SLC28A1: variants seen among roughly 807,000 people sequenced by gnomAD.
SLC28A1 encodes sodium/nucleoside cotransporter 1.
A neutral mutation model predicts 74.8 loss-of-function variants in SLC28A1; 64 were observed. That is an observed-to-expected ratio of 0.86 (90% CI 0.70 to 1.05). SLC28A1 has a LOEUF of 1.05. Ranked by LOEUF, SLC28A1 falls within the 50% of genes least tolerant of loss-of-function variation. The probability of loss-of-function intolerance (pLI) is 0.00; values close to 1 mark genes in which losing one functional copy is unlikely to be tolerated. For missense variants in SLC28A1, 828 were observed against 822.8 expected (o/e 1.01, Z -0.08); for synonymous variants, 359 against 335.0 (o/e 1.07, Z -0.78).
chr15:84,971,042 G>A, the SLC28A1 span, among the ~76,000 whole-genome samples: 1 of 152,166 alleles, frequency 6.6e-6, no homozygotes, highest in Admixed American at 6.6e-5. Context: ...TGCCATCACT[G>A]CCTTATCTGC....
At position 84,935,452 on chromosome 15, in the gene SLC28A1, C is replaced by T. The variant is rs1314837343; in HGVS notation, c.1515C>T (p.Ser505=). 2 of 1,614,114 alleles carry T rather than the reference C, an allele frequency of 1.2e-6. No homozygotes were observed. Among genetic ancestry groups the T allele is most frequent in the Non-Finnish European group, 8.5e-7 (1 of 1,180,044 alleles). ...LNEFVAYQDL[S]KYKQRRLAGA... is the part of the protein sequence containing the mutation. The stretch of plus-strand genomic sequence containing the variant: ...AGTTTGTGGCCTATCAAGACCTCTC[C>T]AAGTACAAGCAACGCCGCCTGGCAG... Residue 505 remains serine (S), a synonymous_variant, in exon 15 of 19, where the codon TCC becomes TCT. Coordinates refer to ENST00000394573, the MANE Select transcript of SLC28A1 (RefSeq NM_004213.5).
At chr15:84,915,913 C>T (rs1163798526) in intron 9 of SLC28A1, among the ~76,000 whole-genome samples, 3 of 151,568 alleles carry the variant, frequency 2.0e-5, no homozygotes, top group Non-Finnish European at 4.4e-5. Flanking sequence ...GAATTGCATC[C>T]ACCAGCCACC....
chr15:84,942,045 A>G, intron 15 of SLC28A1, among the ~76,000 whole-genome samples: 1 of 152,232 alleles, frequency 6.6e-6, no homozygotes, highest in East Asian at 1.9e-4. Flanking sequence ...TTATTATCCT[A>G]TATTTTCTAT....
intron 12 of SLC28A1, among the ~76,000 whole-genome samples, chr15:84,928,293 C>T (rs1970733464): frequency 6.6e-6 from 1 of 152,052 alleles, no homozygotes; most frequent in African/African-American, 2.4e-5. Context: ...AGAGGAAAAG[C>T]ACCTAACAAA....
intron 12 of SLC28A1, among the ~76,000 whole-genome samples, chr15:84,924,834 A>G (rs1970287491): frequency 6.6e-6 from 1 of 152,146 alleles, no homozygotes; most frequent in Non-Finnish European, 1.5e-5. Flanking sequence ...GCAGAAACAA[A>G]TAAGTTTTTA....
chr15:84,935,739 T>C (rs569605159), intron 15 of SLC28A1, among the ~76,000 whole-genome samples: 13 of 152,180 alleles, frequency 8.5e-5, no homozygotes, highest in Non-Finnish European at 1.5e-4. Flanking sequence ...GGAGAGAGCA[T>C]TGTTTGGGAT....
intron 9 of SLC28A1, among the ~76,000 whole-genome samples, chr15:84,917,410 C>T (rs1257313759): frequency 1.3e-5 from 2 of 152,140 alleles, no homozygotes; most frequent in Non-Finnish European, 2.9e-5. Flanking sequence ...GATTCCTGTG[C>T]CTATACAAGA....
the SLC28A1 span, among the ~76,000 whole-genome samples, chr15:84,955,294 G>T: frequency 6.6e-6 from 1 of 152,186 alleles, no homozygotes; most frequent in Non-Finnish European, 1.5e-5. Context: ...GAGCATAATG[G>T]ATGGTAGTGG....
the SLC28A1 span, among the ~76,000 whole-genome samples, chr15:84,960,185 T>G: frequency 6.7e-6 from 1 of 150,286 alleles, no homozygotes. Context: ...CCGTAATCTT[T>G]CTTTAAAATA....
intron 4 of SLC28A1, among the ~76,000 whole-genome samples, chr15:84,889,906 G>C (rs1211734297): frequency 6.7e-6 from 1 of 148,354 alleles, no homozygotes; most frequent in Non-Finnish European, 1.5e-5. Flanking sequence ...CTGGGCTGGA[G>C]TGCAGTGGCA....
chr15:84,945,764 A>C lies in SLC28A1; in HGVS notation c.*564A>C. The stretch of plus-strand genomic sequence containing the variant: ...TCCATGATGGACTAGGTTTGGAACC[A>C]CTGGGTTAAATAAACTTAGAGAGGG... On this transcript the variant is annotated 3_prime_UTR_variant, in exon 19 of 19. Transcript: ENST00000394573. 1 of 156,612 alleles carries C rather than the reference A, an allele frequency of 6.4e-6. No individual in the cohort carries two copies. Among genetic ancestry groups the C allele is most frequent in the Non-Finnish European group, 1.4e-5 (1 of 70,716 alleles). 9.7% of individuals were successfully genotyped at this position (156,612 alleles called of 1,614,324 possible).
intron 4 of SLC28A1, 92 bp from the exon 5 acceptor site, chr15:84,890,351 T>A: frequency 3.2e-6 from 3 of 949,216 alleles, no homozygotes; most frequent in Non-Finnish European, 4.9e-6. Context: ...TGTTGCCACT[T>A]TACTGGGGAC....
At chr15:84,948,079 CA>C (rs1342491565), downstream of SLC28A1, among the ~76,000 whole-genome samples, 1 of 152,076 alleles carries the variant, frequency 6.6e-6, no homozygotes, top group Non-Finnish European at 1.5e-5. Context: ...ATGCATGTCC[CA>C]ATAGGCAACA....
chr15:84,903,955 C>T, intron 6 of SLC28A1, 142 bp from the exon 7 acceptor site: 2 of 1,082,884 alleles, frequency 1.8e-6, no homozygotes, highest in Non-Finnish European at 2.8e-6. Flanking sequence ...GGTTCCAGAG[C>T]TGGTGCTCTT....
At chr15:84,974,538 C>T in the SLC28A1 span, among the ~76,000 whole-genome samples, 1 of 152,016 alleles carries the variant, frequency 6.6e-6, no homozygotes, top group Non-Finnish European at 1.5e-5. Context: ...TGATTCTGTG[C>T]AACCTCCAGC....
chr15:84,933,390 T>G, intron 13 of SLC28A1, 115 bp downstream of exon 13: 3 of 1,285,904 alleles, frequency 2.3e-6, no homozygotes, highest in Non-Finnish European at 3.3e-6. Context: ...GGCCCATCTC[T>G]CCACTTTTCC....
intron 15 of SLC28A1, among the ~76,000 whole-genome samples, chr15:84,939,267 C>T (rs1972357188): frequency 6.6e-6 from 1 of 152,004 alleles, no homozygotes; most frequent in Admixed American, 6.6e-5. Context: ...CTGCAGTGAG[C>T]TATGATTTTG....
intron 15 of SLC28A1, among the ~76,000 whole-genome samples, chr15:84,936,244 T>TTTTGGTTTGGTTTGG (rs139607863): frequency 6.8e-6 from 1 of 147,080 alleles, no homozygotes. Flanking sequence ...CGCCCGGCTG[T>TTTTGGTTTGGTTTGG]TTTGGTTTGG....
chr15:84,890,641 T>C, intron 5 of SLC28A1, 107 bp downstream of exon 5: 2 of 943,002 alleles, frequency 2.1e-6, no homozygotes, highest in Non-Finnish European at 3.3e-6. Flanking sequence ...AAATGGTTGT[T>C]GAGCACCAAC....
Sources: gnomAD v4.1 joint callset for allele counts (sites outside exome capture counted in the v4.1 genomes callset) on GRCh38, gnomAD v4.1.1 for gene constraint, MANE v1.5 for transcripts, NCBI Gene and HGNC (gene_info 2026-07-23, HGNC 2026-07-21) for gene names.